Variants in SYCP1 observed in about 807,000 individuals in gnomAD.
The protein encoded by SYCP1 is cancer/testis antigen 8.
In SYCP1, 64 loss-of-function variants were observed where a neutral mutation model predicts 153.1. That is an observed-to-expected ratio of 0.42 (90% CI 0.34 to 0.51). SYCP1 has a LOEUF of 0.51. Ranked by LOEUF, SYCP1 falls within the 20% of genes least tolerant of loss-of-function variation. SYCP1 has a pLI of 0.06. For missense variants in SYCP1, 997 were observed against 1,049.0 expected, an observed-to-expected ratio of 0.95 and a Z score of 0.68; for synonymous variants, 384 against 341.8, an observed-to-expected ratio of 1.12 and a Z score of -1.36.
intron 12 of SYCP1, among the ~76,000 whole-genome samples, chr1:114,880,361 A>C (rs72694081): frequency 0.095 from 14,467 of 151,724 alleles, 837 homozygotes; most frequent in African/African-American, 0.16. Context: ...TTTCTTTTTT[A>C]TTTTGCTGTT....
chr1:114,972,988 TA>T lies in SYCP1; in HGVS notation c.2323-4568del, dbSNP rs1385991057. Reference sequence around the variant, plus strand: ...ATTTCCCTCAGGCTTCAGATCTTTTTACCAGCTCAGTGTAGAGCCCTGGGGC... The same window carrying T: ...ATTTCCCTCAGGCTTCAGATCTTTTTCCAGCTCAGTGTAGAGCCCTGGGGC... On this transcript the variant is annotated intron_variant, in intron 27 of 31. Transcript: ENST00000369522. Among the ~76,000 whole-genome samples the T allele has an allele frequency of 3.9e-5, 6 of 152,142 alleles. No individual in the cohort carries two copies. In the East Asian group the frequency reaches 1.2e-3, roughly 29 times the overall value.
At chr1:114,856,151 A>G (rs894922071) in intron 2 of SYCP1, among the ~76,000 whole-genome samples, 5 of 152,210 alleles carry the variant, frequency 3.3e-5, no homozygotes, top group Non-Finnish European at 7.3e-5. Flanking sequence ...GATGCAATGA[A>G]TATTTTACTT....
intron 27 of SYCP1, 125 bp downstream of exon 27, chr1:114,947,445 C>T: frequency 1.5e-6 from 1 of 655,874 alleles, no homozygotes; most frequent in Non-Finnish European, 2.5e-6. Context: ...AAATAATTTT[C>T]CCCCAGAAGC....
rs74558651 is a variant in SYCP1 at position 114,865,620 on chromosome 1, C to T, written c.598+4811C>T. Among the ~76,000 whole-genome samples, 1,004 of 152,220 alleles carry T rather than the reference C, an allele frequency of 6.6e-3. 15 individuals carry two copies. The highest frequency in any genetic ancestry group is 0.023 in the African/African-American group (941 of 41,522). On this transcript the variant is annotated intron_variant, in intron 8 of 31. Coordinates refer to ENST00000369522, the MANE Select transcript of SYCP1 (RefSeq NM_003176.4). The stretch of plus-strand genomic sequence containing the variant: ...CAGTTTGCAAAGCTTTTGCCCCATG[C>T]ATCTATAGCCTCTCCGATTATCAAC...
In SYCP1 at chr1:114,898,443, A is replaced by G. The variant is rs12041865; in HGVS notation, c.1320+2934A>G. 2.8e-4 allele frequency among the ~76,000 whole-genome samples: 42 copies of G among 152,302 alleles called. No homozygotes were observed. The East Asian group carries it at 4.8e-3, about 18-fold the overall frequency. On this transcript the variant is annotated intron_variant, in intron 16 of 31. Coordinates refer to ENST00000369522, the MANE Select transcript of SYCP1 (RefSeq NM_003176.4). ...TTCCCATCATCTGTCCGGATTTGCA[A>G]GATAATTGCTCAGAACTAGAATATT...
chr1:114,990,089 T>C (rs1673821796), intron 30 of SYCP1, among the ~76,000 whole-genome samples: 1 of 151,986 alleles, frequency 6.6e-6, no homozygotes, highest in Non-Finnish European at 1.5e-5. Flanking sequence ...GGATAGATCA[T>C]ATGTTAGGTC....
In SYCP1 at chr1:114,910,387, T is replaced by A; in HGVS notation, c.1321-10T>A. The A allele has an allele frequency of 6.4e-7, 1 of 1,562,412 alleles. No individual in the cohort carries two copies. Among genetic ancestry groups the A allele is most frequent in the Non-Finnish European group, 8.7e-7 (1 of 1,143,362 alleles). ...TTTGGCATTCCTGATTTGTTAATGT[T>A]TATAAATAGGGAGAAAAGGAAACAC... is the stretch of plus-strand genomic sequence containing the variant. On this transcript the variant is annotated splice_polypyrimidine_tract_variant and intron_variant, in intron 16 of 31. Coordinates refer to ENST00000369522, the MANE Select transcript of SYCP1 (RefSeq NM_003176.4).
chr1:114,877,424 T>C (rs1383661726), intron 11 of SYCP1, among the ~76,000 whole-genome samples: 1 of 152,236 alleles, frequency 6.6e-6, no homozygotes, highest in African/African-American at 2.4e-5. Context: ...AATCCTCTTC[T>C]ATTTCTCACT....
chr1:114,969,640 C>G (rs1361933488), intron 27 of SYCP1, among the ~76,000 whole-genome samples: 1 of 152,174 alleles, frequency 6.6e-6, no homozygotes, highest in Non-Finnish European at 1.5e-5. Flanking sequence ...AGCCCCTTTT[C>G]CAGGGGAGCG....
chr1:114,902,568 C>G (rs1461370840), intron 16 of SYCP1, among the ~76,000 whole-genome samples: 2 of 150,416 alleles, frequency 1.3e-5, no homozygotes, highest in East Asian at 3.9e-4. Context: ...CATCCCCCAC[C>G]CCGCAAACGG....
At chr1:114,942,501 C>T (rs1164988846) in intron 23 of SYCP1, among the ~76,000 whole-genome samples, 1 of 151,830 alleles carries the variant, frequency 6.6e-6, no homozygotes, top group East Asian at 1.9e-4. Flanking sequence ...GACAGTATGA[C>T]ACTGGCACAG....
chr1:114,890,491 G>A (rs1347369465), intron 15 of SYCP1, among the ~76,000 whole-genome samples: 2 of 151,836 alleles, frequency 1.3e-5, no homozygotes, highest in Admixed American at 1.3e-4. Context: ...CTTATTGATG[G>A]AGGTATGTTA....
At chr1:114,856,080 CAG>C (rs1467078389) in intron 2 of SYCP1, among the ~76,000 whole-genome samples, 7 of 152,186 alleles carry the variant, frequency 4.6e-5, no homozygotes, top group Admixed American at 2.6e-4. Flanking sequence ...TCAGGTGAAA[CAG>C]AGCTTTAAAA....
intron 12 of SYCP1, among the ~76,000 whole-genome samples, chr1:114,880,022 A>G (rs1413387374): frequency 6.6e-6 from 1 of 152,124 alleles, no homozygotes; most frequent in Non-Finnish European, 1.5e-5. Context: ...TATATTCGTC[A>G]TTGATATTTT....
At chr1:114,947,010 A>T (rs549122314) in intron 26 of SYCP1, among the ~76,000 whole-genome samples, 3 of 152,252 alleles carry the variant, frequency 2.0e-5, no homozygotes, top group African/African-American at 7.2e-5. Context: ...CCTCCCAGGG[A>T]AGTGCTGGGA....
chr1:114,876,695 ATTATG>A (rs1665562360), intron 10 of SYCP1, 37 bp from the exon 11 acceptor site: 2 of 1,039,384 alleles, frequency 1.9e-6, no homozygotes, highest in East Asian at 3.3e-5. Flanking sequence ...ATGTTATAAA[ATTATG>A]TTATGACATT....
chr1:114,864,826 T>G (rs1184428748), intron 8 of SYCP1, among the ~76,000 whole-genome samples: 2 of 152,132 alleles, frequency 1.3e-5, no homozygotes. Flanking sequence ...TTTACTGATT[T>G]TCTATTTAGT....
At chr1:114,874,085 A>G (rs1267295309) in intron 8 of SYCP1, among the ~76,000 whole-genome samples, 1 of 152,094 alleles carries the variant, frequency 6.6e-6, no homozygotes, top group East Asian at 1.9e-4. Flanking sequence ...GCAATGTGTC[A>G]ATTATAGTTC....
At chr1:114,874,409 T>C in intron 8 of SYCP1, 97 bp from the exon 9 acceptor site, 1 of 721,022 alleles carries the variant, frequency 1.4e-6, no homozygotes. Flanking sequence ...TAACACAGAA[T>C]TTTAAATATT....
Sources: allele counts gnomAD v4.1 joint callset (sites outside exome capture counted in the v4.1 genomes callset), GRCh38; gene constraint gnomAD v4.1.1; transcripts MANE v1.5; gene names NCBI Gene and HGNC (gene_info 2026-07-23, HGNC 2026-07-21).